SOX6: variants seen among roughly 807,000 people sequenced by gnomAD.
SOX6 encodes the protein transcription factor SOX-6.
In SOX6, 11 loss-of-function variants were observed where a neutral mutation model predicts 97.8. The observed-to-expected ratio is 0.11, with a 90% CI of 0.07 to 0.19. SOX6 has a LOEUF of 0.19. SOX6 is among the 10% of genes least tolerant of loss of function. The pLI is 1.00. For missense variants in SOX6, 810 were observed against 1,039.5 expected (o/e 0.78, Z 3.04); for synonymous variants, 360 against 371.4 (o/e 0.97, Z 0.35).
chr11:16,356,319 A>G lies in SOX6; in HGVS notation c.-230T>C, dbSNP rs1171506553. On this transcript the variant is annotated 5_prime_UTR_variant, in exon 1 of 16. Transcript: ENST00000683767. The stretch of plus-strand genomic sequence containing the variant: ...TTAAGCAACATCTAATTTGCTAAAC[A>G]AAACACTGTTAACTTTGTTCAACAA... 3.3e-5 allele frequency among the ~76,000 whole-genome samples: 5 copies of G among 152,130 alleles called. No individual in the cohort carries two copies. Among genetic ancestry groups the G allele is most frequent in the Admixed American group, 3.3e-4 (5 of 15,242 alleles).
intron 1 of SOX6, among the ~76,000 whole-genome samples, chr11:16,383,970 A>G (rs1023996014): frequency 4.6e-5 from 7 of 152,008 alleles, no homozygotes; most frequent in Non-Finnish European, 8.8e-5. Flanking sequence ...AGACCACTCA[A>G]TGTAGAGATA....
intron 1 of SOX6, among the ~76,000 whole-genome samples, chr11:16,465,141 A>G (rs1490884877): frequency 6.6e-6 from 1 of 152,092 alleles, no homozygotes; most frequent in African/African-American, 2.4e-5. Flanking sequence ...GTTTTCTGAC[A>G]CTCAACTCTC....
intron 9 of SOX6, among the ~76,000 whole-genome samples, chr11:16,075,972 C>T (rs1207113213): frequency 1.3e-5 from 2 of 152,060 alleles, no homozygotes; most frequent in South Asian, 4.2e-4. Flanking sequence ...CTCACTGGGT[C>T]CCTCCCATGA....
chr11:16,394,748 C>T (rs918616432), intron 1 of SOX6, among the ~76,000 whole-genome samples: 1 of 151,654 alleles, frequency 6.6e-6, no homozygotes, highest in Non-Finnish European at 1.5e-5. Flanking sequence ...TTTTTCTCAA[C>T]TGTGTCCTAA....
intron 4 of SOX6, among the ~76,000 whole-genome samples, chr11:16,532,977 G>T (rs1293963629): frequency 6.6e-6 from 1 of 151,818 alleles, no homozygotes; most frequent in Non-Finnish European, 1.5e-5. Context: ...AAAGAGAAGA[G>T]AATGTTTCAT....
In SOX6 at chr11:16,066,663, T is replaced by C. The variant is rs929543804; in HGVS notation, c.1102-10762A>G. On this transcript the variant is annotated intron_variant, in intron 9 of 15. Coordinates refer to ENST00000683767, the MANE Select transcript of SOX6 (RefSeq NM_001367873.1). Reference sequence around the variant, plus strand: ...GCCAGGCACAGAAAGACAAACATCATGTGTTCTCACTTATTTATGGATCTA... The same window carrying C: ...GCCAGGCACAGAAAGACAAACATCACGTGTTCTCACTTATTTATGGATCTA... Among the ~76,000 whole-genome samples, 21 of 152,254 alleles carry C rather than the reference T, an allele frequency of 1.4e-4. 1 individual carries two copies. Among genetic ancestry groups the C allele is most frequent in the Admixed American group, 9.2e-4 (14 of 15,268 alleles).
intron 2 of SOX6, among the ~76,000 whole-genome samples, chr11:16,719,614 GAGTAT>G (rs1273842883): frequency 6.6e-6 from 1 of 152,190 alleles, no homozygotes; most frequent in Non-Finnish European, 1.5e-5. Flanking sequence ...TATTTGAGGT[GAGTAT>G]AAACTTCAGA....
At position 15,968,216 on chromosome 11, in the gene SOX6, T is replaced by G. The variant is rs946220290; in HGVS notation, c.*4593A>C. 7.9e-5 allele frequency: 12 copies of G among 152,176 alleles called. No individual in the cohort carries two copies. The highest frequency in any genetic ancestry group is 2.9e-4 in the African/African-American group (12 of 41,426). 9.4% of individuals were successfully genotyped at this position (152,176 alleles called of 1,614,324 possible). ...GAGGTCATACAATATTATTATACTTTGAGAAGTGAGCTTAAGTGCCAACTC... is the reference window on the plus strand; with the variant it reads ...GAGGTCATACAATATTATTATACTTGGAGAAGTGAGCTTAAGTGCCAACTC... On this transcript the variant is annotated 3_prime_UTR_variant, in exon 16 of 16. Transcript: ENST00000683767.
intron 4 of SOX6, among the ~76,000 whole-genome samples, chr11:16,495,324 C>T (rs1272325641): frequency 6.6e-6 from 1 of 152,180 alleles, no homozygotes; most frequent in African/African-American, 2.4e-5. Flanking sequence ...AACATTCTGC[C>T]ATGAGCCTGG....
At chr11:16,672,990 T>C (rs1487908195) in intron 3 of SOX6, among the ~76,000 whole-genome samples, 2 of 152,174 alleles carry the variant, frequency 1.3e-5, no homozygotes, top group Non-Finnish European at 2.9e-5. Flanking sequence ...ATCCTAAATA[T>C]ATACACAGCA....
intron 12 of SOX6, among the ~76,000 whole-genome samples, chr11:16,030,170 A>G (rs1855329011): frequency 6.6e-6 from 1 of 152,168 alleles, no homozygotes; most frequent in Non-Finnish European, 1.5e-5. Context: ...GGATTATTAG[A>G]TTGCTTAAAC....
chr11:16,504,069 A>G (rs948529521), intron 4 of SOX6, among the ~76,000 whole-genome samples: 1 of 149,308 alleles, frequency 6.7e-6, no homozygotes. Context: ...ATAAATAAAT[A>G]AATAAATAAA....
At chr11:16,446,921 T>C (rs1859622724) in intron 1 of SOX6, among the ~76,000 whole-genome samples, 3 of 151,586 alleles carry the variant, frequency 2.0e-5, no homozygotes, top group Non-Finnish European at 2.9e-5. Context: ...TCCTTCTTTC[T>C]TTCTTTCTGT....
intron 1 of SOX6, among the ~76,000 whole-genome samples, chr11:16,388,215 T>C (rs1858052029): frequency 6.6e-6 from 1 of 152,184 alleles, no homozygotes; most frequent in African/African-American, 2.4e-5. Flanking sequence ...TTTACTCTGT[T>C]AATACAGTGA....
At chr11:16,220,298 A>T (rs1590040208) in intron 4 of SOX6, among the ~76,000 whole-genome samples, 1 of 152,182 alleles carries the variant, frequency 6.6e-6, no homozygotes, top group East Asian at 1.9e-4. Context: ...ACAACATTTT[A>T]GGTAAAATAA....
chr11:16,009,465 A>G (rs759105001), intron 13 of SOX6, among the ~76,000 whole-genome samples: 2 of 152,088 alleles, frequency 1.3e-5, no homozygotes, highest in Non-Finnish European at 2.9e-5. Context: ...TCAAGAAATG[A>G]TAAGTTTTAT....
intron 12 of SOX6, among the ~76,000 whole-genome samples, chr11:16,019,153 C>T (rs1239642072): frequency 2.0e-5 from 3 of 152,108 alleles, no homozygotes; most frequent in African/African-American, 7.2e-5. Flanking sequence ...TTCTGCATTA[C>T]CAAGACTGAC....
intron 15 of SOX6, among the ~76,000 whole-genome samples, chr11:15,978,054 C>A (rs1234653848): frequency 6.6e-6 from 1 of 152,030 alleles, no homozygotes; most frequent in Non-Finnish European, 1.5e-5. Flanking sequence ...CTGAAACTAT[C>A]TGTTTTTGTT....
chr11:16,562,147 G>A (rs1437222625), intron 4 of SOX6, among the ~76,000 whole-genome samples: 2 of 152,030 alleles, frequency 1.3e-5, no homozygotes, highest in Non-Finnish European at 1.5e-5. Flanking sequence ...TTTCTAATAT[G>A]AAGACTTCCA....
Sources: gnomAD v4.1 joint callset for allele counts (sites outside exome capture counted in the v4.1 genomes callset) on GRCh38, gnomAD v4.1.1 for gene constraint, MANE v1.5 for transcripts, NCBI Gene and HGNC (gene_info 2026-07-23, HGNC 2026-07-21) for gene names.